The following CNTNAP4 variants were observed in gnomAD, a reference collection of about 807,000 sequenced individuals.
The protein encoded by CNTNAP4 is contactin-associated protein-like 4.
CNTNAP4 carries 98 observed loss-of-function variants against 148.4 expected under a neutral mutation model. That is an observed-to-expected ratio of 0.66 (90% CI 0.56 to 0.78). CNTNAP4 has a LOEUF of 0.78. Among genes scored for constraint, CNTNAP4 ranks in the 30% least tolerant of loss-of-function variants. The pLI, the probability that CNTNAP4 is intolerant of heterozygous loss-of-function variation, is 0.00. For synonymous variants in CNTNAP4, 730 were observed against 565.1 expected, an observed-to-expected ratio of 1.29 and a Z score of -4.14; for missense variants, 1,935 against 1,565.6, an observed-to-expected ratio of 1.24 and a Z score of -3.98.
chr16:76,373,106 TGTGAATATATTCCATATAAATAG>T (rs1567901401), intron 3 of CNTNAP4, among the ~76,000 whole-genome samples: 3 of 151,200 alleles, frequency 2.0e-5, no homozygotes, highest in African/African-American at 2.4e-5. Flanking sequence ...CACATAAATA[TGTGAATATATTCCATATAAATAG>T]GTGAATATAT....
chr16:76,482,019 TTA>T (rs932744050), intron 12 of CNTNAP4, among the ~76,000 whole-genome samples: 20 of 132,886 alleles, frequency 1.5e-4, no homozygotes, highest in Admixed American at 1.5e-3. Context: ...ATTTTTTTTT[TTA>T]ATTTTTATTA....
chr16:76,300,650 A>G (rs1439148412), intron 1 of CNTNAP4, among the ~76,000 whole-genome samples: 1 of 152,334 alleles, frequency 6.6e-6, no homozygotes, highest in East Asian at 1.9e-4. Context: ...TTTCATATAG[A>G]AAATAAATAG....
intron 2 of CNTNAP4, among the ~76,000 whole-genome samples, chr16:76,326,967 A>C (rs1047981291): frequency 1.4e-5 from 2 of 146,326 alleles, no homozygotes; most frequent in South Asian, 4.3e-4. Context: ...TAAAAAATAC[A>C]AAAAAAAAAG....
At chr16:76,322,585 G>A (rs949278443) in intron 2 of CNTNAP4, among the ~76,000 whole-genome samples, 2 of 152,166 alleles carry the variant, frequency 1.3e-5, no homozygotes, top group African/African-American at 2.4e-5. Flanking sequence ...TTTCCTACGG[G>A]AAGAGCAGGG....
chr16:76,393,715 T>C (rs35267801), intron 3 of CNTNAP4, among the ~76,000 whole-genome samples: 58,280 of 151,696 alleles, frequency 0.38, 11,796 homozygotes, highest in Middle Eastern at 0.5. Flanking sequence ...AGACTCCCAT[T>C]GTGGGGCAGA....
rs936263557 is a variant in CNTNAP4, at chr16:76,559,997, T to G, written c.*1314T>G. On this transcript the variant is annotated 3_prime_UTR_variant, in exon 24 of 24. Transcript: ENST00000611870. ...AAAATTACCAAGAATCAATCCAACTTGCTGAATGGTACATTCTGATTAGGG... is the reference window on the plus strand; with the variant it reads ...AAAATTACCAAGAATCAATCCAACTGGCTGAATGGTACATTCTGATTAGGG... Among the ~76,000 whole-genome samples, 2 of 152,148 alleles carry G rather than the reference T, an allele frequency of 1.3e-5. No individual in the cohort carries two copies. Among genetic ancestry groups the G allele is most frequent in the Non-Finnish European group, 2.9e-5 (2 of 68,014 alleles).
intron 10 of CNTNAP4, among the ~76,000 whole-genome samples, chr16:76,473,521 C>G (rs1597658538): frequency 6.6e-6 from 1 of 152,108 alleles, no homozygotes; most frequent in Non-Finnish European, 1.5e-5. Flanking sequence ...GACCTGTAAT[C>G]CCAGCACTTT....
chr16:76,529,604 C>A (rs917026642), intron 17 of CNTNAP4, among the ~76,000 whole-genome samples: 3 of 152,146 alleles, frequency 2.0e-5, no homozygotes, highest in African/African-American at 7.2e-5. Flanking sequence ...AGTCTCAATT[C>A]TTTTACTGAC....
chr16:76,438,127 A>G (rs1433228090), intron 4 of CNTNAP4, among the ~76,000 whole-genome samples: 2 of 152,108 alleles, frequency 1.3e-5, no homozygotes, highest in Non-Finnish European at 1.5e-5. Context: ...GGAAGTGGGG[A>G]CAGAGGTCAG....
At chr16:76,489,092 G>T (rs1253830748) in intron 12 of CNTNAP4, among the ~76,000 whole-genome samples, 2 of 152,114 alleles carry the variant, frequency 1.3e-5, no homozygotes, top group Non-Finnish European at 2.9e-5. Context: ...ATAATTAAAT[G>T]TTGATTAAGG....
At chr16:76,478,948 A>C (rs897940998) in intron 11 of CNTNAP4, among the ~76,000 whole-genome samples, 2 of 152,102 alleles carry the variant, frequency 1.3e-5, no homozygotes, top group Non-Finnish European at 2.9e-5. Flanking sequence ...AACATGATTT[A>C]AAGTGTTTCT....
chr16:76,316,056 A>AT (rs1249611683), intron 1 of CNTNAP4: 3 of 344,672 alleles, frequency 8.7e-6, no homozygotes, highest in African/African-American at 6.4e-5. Context: ...CCATTTTGTG[A>AT]TTTTTCTTTT....
chr16:76,363,966 A>G (rs1420685255), intron 3 of CNTNAP4, among the ~76,000 whole-genome samples: 1 of 151,956 alleles, frequency 6.6e-6, no homozygotes, highest in Non-Finnish European at 1.5e-5. Context: ...ATACAAAAAA[A>G]TACATATGGC....
intron 3 of CNTNAP4, among the ~76,000 whole-genome samples, chr16:76,377,180 G>A (rs1477167260): frequency 6.6e-6 from 1 of 152,016 alleles, no homozygotes; most frequent in Non-Finnish European, 1.5e-5. Context: ...ACCTTCAACT[G>A]ATTAGATGAG....
chr16:76,480,095 G>A (rs984868680), intron 12 of CNTNAP4, among the ~76,000 whole-genome samples: 27 of 151,812 alleles, frequency 1.8e-4, no homozygotes, highest in South Asian at 1.2e-3. Context: ...TACCATTCTC[G>A]TCACCATTGT....
chr16:76,525,196 A>G (rs1010021782), intron 17 of CNTNAP4, among the ~76,000 whole-genome samples: 3 of 152,194 alleles, frequency 2.0e-5, no homozygotes, highest in Non-Finnish European at 4.4e-5. Flanking sequence ...GTAACTGGAG[A>G]TATTTTTTTT....
intron 3 of CNTNAP4, among the ~76,000 whole-genome samples, chr16:76,403,941 G>A (rs1378545234): frequency 6.6e-6 from 1 of 152,136 alleles, no homozygotes; most frequent in Non-Finnish European, 1.5e-5. Context: ...GCAAACTAAT[G>A]TAGGAACAGA....
chr16:76,383,067 G>A (rs572215752), intron 3 of CNTNAP4, among the ~76,000 whole-genome samples: 6 of 151,330 alleles, frequency 4.0e-5, no homozygotes, highest in African/African-American at 1.5e-4. Flanking sequence ...CAACTCATTA[G>A]TCTGAACATT....
chr16:76,363,692 A>G (rs952809858), intron 3 of CNTNAP4, among the ~76,000 whole-genome samples: 6 of 152,246 alleles, frequency 3.9e-5, no homozygotes, highest in African/African-American at 1.4e-4. Context: ...AACAAAGTGA[A>G]CAGGCATCCT....
Sources: gnomAD v4.1 joint callset for allele counts (sites outside exome capture counted in the v4.1 genomes callset) on GRCh38, gnomAD v4.1.1 for gene constraint, MANE v1.5 for transcripts, NCBI Gene and HGNC (gene_info 2026-07-23, HGNC 2026-07-21) for gene names.